HMOX1: variants seen among roughly 807,000 people sequenced by gnomAD.
The protein encoded by HMOX1 is heat shock protein, 32-kD.
A neutral mutation model predicts 27.8 loss-of-function variants in HMOX1; 22 were observed. The ratio of observed to expected loss-of-function variants is 0.79; its 90% CI spans 0.57 to 1.13. The LOEUF (loss-of-function observed/expected upper bound fraction) is 1.13. HMOX1 is among the 50% of genes most tolerant of loss of function. HMOX1 has a pLI of 0.00. For synonymous variants in HMOX1, 153 were observed against 151.6 expected, an observed-to-expected ratio of 1.01 and a Z score of -0.07; for missense variants, 379 against 377.7, an observed-to-expected ratio of 1.00 and a Z score of -0.03.
intron 1 of HMOX1, 71 bp downstream of exon 1, chr22:35,381,267 C>T: frequency 6.7e-7 from 1 of 1,499,776 alleles, no homozygotes; most frequent in Non-Finnish European, 9.0e-7. Context: ...TAGCCCCACC[C>T]CGGGACACTG....
intron 3 of HMOX1, among the ~76,000 whole-genome samples, chr22:35,388,245 G>A (rs375112070): frequency 1.3e-5 from 2 of 152,282 alleles, no homozygotes; most frequent in South Asian, 4.2e-4. Flanking sequence ...GAGCCCAGGA[G>A]TTTGAGACCA....
chr22:35,383,333 A>G, intron 2 of HMOX1, 107 bp downstream of exon 2: 13 of 1,247,600 alleles, frequency 1.0e-5, no homozygotes, highest in South Asian at 1.0e-4. Context: ...CCAGATGGGC[A>G]TGTCCAATAG....
chr22:35,386,832 G>C lies in HMOX1; in HGVS notation c.292G>C (p.Gly98Arg). 1.2e-6 allele frequency: 2 copies of C among 1,614,176 alleles called. No individual in the cohort carries two copies. The highest frequency in any genetic ancestry group is 1.1e-5 in the South Asian group (1 of 91,086). Reference protein sequence around the residue: ...ALEQDLAFWYGPRWQEVIPYT... With the variant: ...ALEQDLAFWYRPRWQEVIPYT... The stretch of plus-strand genomic sequence containing the variant: ...GGAGCAGGACCTGGCCTTCTGGTAC[G>C]GGCCCCGCTGGCAGGAGGTCATCCC... The change falls in exon 3 of 5, where the codon GGG (glycine) becomes CGG (arginine). Residue 98 changes from glycine (G) to arginine (R), a missense_variant. Gly to Arg is a moderately radical substitution (Grantham distance 125). Coordinates refer to ENST00000216117, the MANE Select transcript of HMOX1 (RefSeq NM_002133.3).
In HMOX1 at chr22:35,394,021, A is replaced by G. The variant is rs1931796800; in HGVS notation, c.*423A>G. 1 of 305,122 alleles carries G rather than the reference A, an allele frequency of 3.3e-6. No homozygotes were observed. Among genetic ancestry groups the G allele is most frequent in the Non-Finnish European group, 6.4e-6 (1 of 155,258 alleles). 18.9% of individuals were successfully genotyped at this position (305,122 alleles called of 1,614,324 possible). A position where few individuals can be genotyped will look rare whatever the true frequency, so the allele number is the denominator to read the frequency against. On this transcript the variant is annotated 3_prime_UTR_variant, in exon 5 of 5. Coordinates refer to ENST00000216117, the MANE Select transcript of HMOX1 (RefSeq NM_002133.3). ...ATGTTGTGTCTTGTGTTTTTGTCTT[A>G]TTTTTGTTGGAGCCACTCTGTTCCT...
chr22:35,385,922 C>T (rs534965015), intron 2 of HMOX1, among the ~76,000 whole-genome samples: 2 of 151,396 alleles, frequency 1.3e-5, no homozygotes, highest in Non-Finnish European at 2.9e-5. Flanking sequence ...TGAGCCACCG[C>T]GTCCAGCTGG....
In HMOX1 at chr22:35,381,106, T is replaced by A. The variant is rs1161462226; in HGVS notation, c.-68T>A. The A allele has an allele frequency of 2.0e-6, 3 of 1,529,688 alleles. No homozygotes were observed. The highest frequency in any genetic ancestry group is 2.0e-5 in the Admixed American group (1 of 50,878). 94.8% of individuals were successfully genotyped at this position (1,529,688 alleles called of 1,614,324 possible). ...GCGGCTCCGGCAGTCAACGCCTGCC[T>A]CCTCTCGAGCGTCCTCAGCGCAGCC... On this transcript the variant is annotated 5_prime_UTR_variant, in exon 1 of 5. Coordinates refer to ENST00000216117, the MANE Select transcript of HMOX1 (RefSeq NM_002133.3).
At position 35,393,869 on chromosome 22, in the gene HMOX1, C is replaced by G. The variant is rs1213798868; in HGVS notation, c.*271C>G. 4 of 454,534 alleles carry G rather than the reference C, an allele frequency of 8.8e-6. No individual in the cohort carries two copies. Among genetic ancestry groups the G allele is most frequent in the African/African-American group, 7.9e-5 (4 of 50,476 alleles). The allele number at this position is 454,534 out of a possible 1,614,324, so 28.2% of individuals were successfully genotyped here. A position where few individuals can be genotyped will look rare whatever the true frequency, so the allele number is the denominator to read the frequency against. The stretch of plus-strand genomic sequence containing the variant: ...GCATCCTCAGTTCCTGCAGCAGAGC[C>G]TGGAAGACACCCTAATGTGGCAGCT... On this transcript the variant is annotated 3_prime_UTR_variant, in exon 5 of 5. Coordinates refer to ENST00000216117, the MANE Select transcript of HMOX1 (RefSeq NM_002133.3).
chr22:35,388,485 A>C (rs1411247032), intron 3 of HMOX1, among the ~76,000 whole-genome samples: 2 of 149,576 alleles, frequency 1.3e-5, no homozygotes, highest in Admixed American at 1.3e-4. Flanking sequence ...AAACAAAAAC[A>C]AAAAAAAACG....
chr22:35,388,022 G>C (rs1931551136), intron 3 of HMOX1, among the ~76,000 whole-genome samples: 1 of 152,182 alleles, frequency 6.6e-6, no homozygotes, highest in African/African-American at 2.4e-5. Context: ...CCAGCACTTT[G>C]GGAAGCCGAG....
In HMOX1 at chr22:35,386,612, G is replaced by C. The variant is rs1316104223; in HGVS notation, c.145-73G>C. On this transcript the variant is annotated intron_variant, in intron 2 of 4. Transcript: ENST00000216117. Reference sequence around the variant, plus strand: ...AGTGAGGAGGGCCTTTCCAAAGGCAGTAGTGGACGGGACGGACAGAGGTGG... The same window carrying C: ...AGTGAGGAGGGCCTTTCCAAAGGCACTAGTGGACGGGACGGACAGAGGTGG... 4 of 1,601,788 alleles carry C rather than the reference G, an allele frequency of 2.5e-6. No individual in the cohort carries two copies. The Admixed American group carries it at 6.8e-5, about 27-fold the overall frequency.
At position 35,391,601 on chromosome 22, in the gene HMOX1, T is replaced by G. The variant is rs1172806927; in HGVS notation, c.736+1638T>G. Among the ~76,000 whole-genome samples, 208 of 136,950 alleles carry G rather than the reference T, an allele frequency of 1.5e-3. 1 individual carries two copies. Among genetic ancestry groups the G allele is most frequent in the Non-Finnish European group, 2.7e-3 (170 of 63,806 alleles). 89.8% of individuals were successfully genotyped at this position (136,950 alleles called of 152,430 possible). A position where few individuals can be genotyped will look rare whatever the true frequency, so the allele number is the denominator to read the frequency against. On this transcript the variant is annotated intron_variant, in intron 4 of 4. Transcript: ENST00000216117. ...CGCGCCCGGCCTTTTTTTTTTTTTT[T>G]TTTTTTTTTTGAGACAGGGTCTCGC...
chr22:35,387,783 C>T (rs17885185), intron 3 of HMOX1, among the ~76,000 whole-genome samples: 2,565 of 152,344 alleles, frequency 0.017, 69 homozygotes, highest in African/African-American at 0.058. Context: ...CTGCCACCCC[C>T]TGGAGGTGCC....
intron 2 of HMOX1, among the ~76,000 whole-genome samples, chr22:35,385,078 T>G (rs771966867): frequency 1.3e-5 from 2 of 152,008 alleles, no homozygotes; most frequent in Non-Finnish European, 2.9e-5. Context: ...TCCTTCAAAT[T>G]TAAACGGGCG....
At chr22:35,383,737 CAGTG>C (rs1477678278) in intron 2 of HMOX1, among the ~76,000 whole-genome samples, 1 of 152,222 alleles carries the variant, frequency 6.6e-6, no homozygotes, top group Non-Finnish European at 1.5e-5. Context: ...CCTTTTCTAA[CAGTG>C]AGACTGAGGG....
At chr22:35,391,953 G>A (rs899033101) in intron 4 of HMOX1, among the ~76,000 whole-genome samples, 2 of 151,690 alleles carry the variant, frequency 1.3e-5, no homozygotes, top group African/African-American at 2.4e-5. Flanking sequence ...GGCCGGGCAC[G>A]ATGGCTCATG....
chr22:35,389,216 TCTTTCTTTCTTTC>T (rs1163277479), intron 3 of HMOX1, among the ~76,000 whole-genome samples: 1 of 106,508 alleles, frequency 9.4e-6, no homozygotes, highest in Non-Finnish European at 2.0e-5. Context: ...TTTCTTTCTC[TCTTTCTTTCTTTC>T]TTTCTTTCTT....
At chr22:35,389,299 C>CTT (rs1421620706) in intron 3 of HMOX1, among the ~76,000 whole-genome samples, 1 of 69,478 alleles carries the variant, frequency 1.4e-5, no homozygotes, top group Non-Finnish European at 2.7e-5. Flanking sequence ...CTTCTTTCTT[C>CTT]TTTCTTTCTT....
chr22:35,393,668 T>A lies in HMOX1; in HGVS notation c.*70T>A, dbSNP rs1931785824. 6.3e-7 allele frequency: 1 copy of A among 1,598,144 alleles called. No individual in the cohort carries two copies. The highest frequency in any genetic ancestry group is 1.3e-5 in the African/African-American group (1 of 74,556). On this transcript the variant is annotated 3_prime_UTR_variant, in exon 5 of 5. Transcript: ENST00000216117. Reference sequence around the variant, plus strand: ...AAGGCCTTCTTTCTAGAGAGGGAATTCTCTTGGCTGGCTTCCTTACCGTGG... The same window carrying A: ...AAGGCCTTCTTTCTAGAGAGGGAATACTCTTGGCTGGCTTCCTTACCGTGG...
chr22:35,386,734 T>A lies in HMOX1; in HGVS notation c.194T>A (p.Ile65Asn). ...YHIYVALEEE[I>N]ERNKESPVFA... ...ATCTATGTGGCCCTGGAGGAGGAGA[T>A]TGAGCGCAACAAGGAGAGCCCAGTC... Residue 65 changes from isoleucine to asparagine, a missense_variant, in exon 3 of 5, where the codon ATT becomes AAT. Coordinates refer to ENST00000216117, the MANE Select transcript of HMOX1 (RefSeq NM_002133.3). 2 of 1,614,172 alleles carry A rather than the reference T, an allele frequency of 1.2e-6. No individual in the cohort carries two copies. The highest frequency in any genetic ancestry group is 1.7e-6 in the Non-Finnish European group (2 of 1,180,022).
Sources: gnomAD v4.1 joint callset for allele counts (sites outside exome capture counted in the v4.1 genomes callset) on GRCh38, gnomAD v4.1.1 for gene constraint, MANE v1.5 for transcripts, NCBI Gene and HGNC (gene_info 2026-07-23, HGNC 2026-07-21) for gene names.